CLIP1: variants seen among roughly 807,000 people sequenced by gnomAD.
The protein encoded by CLIP1 is CAP-Gly domain containing linker protein 1.
Under a neutral mutation model 161.6 loss-of-function variants are expected in CLIP1, and 66 were observed. That is an observed-to-expected ratio of 0.41 (90% confidence interval 0.33 to 0.50). The LOEUF is 0.50. CLIP1 is among the 20% of genes least tolerant of loss of function. CLIP1 has a pLI of 0.27. For synonymous variants in CLIP1, 598 were observed against 626.2 expected (o/e 0.96, Z 0.67); for missense variants, 1,376 against 1,702.0 (o/e 0.81, Z 3.37).
rs1254793669 is a variant in CLIP1 at position 122,341,250 on chromosome 12, C to G, written c.1954G>C (p.Glu652Gln). The G allele has an allele frequency of 6.2e-7, 1 of 1,614,016 alleles. No individual in the cohort carries two copies. The highest frequency in any genetic ancestry group is 1.3e-5 in the African/African-American group (1 of 74,912). ...TTTAGTTCAGCAAATTCTGCCGTCT[C>G]TGTTCCAAGCCCTTTGCTGAAAGAT... Reference protein sequence around the residue: ...KVSFSKGLGTETAEFAELKTQ... With the variant: ...KVSFSKGLGTQTAEFAELKTQ... Residue 652 changes from glutamate (E) to glutamine (Q), a missense_variant, in exon 11 of 26, where the codon GAG (glutamate) becomes CAG (glutamine). By Grantham distance (29) the Glu-to-Gln change is conservative. Around this residue, in one of 6 missense-constraint regions of CLIP1, gnomAD observed 948 missense variants for 1,134.8 expected, o/e 0.84. Transcript: ENST00000620786.
intron 1 of CLIP1, among the ~76,000 whole-genome samples, chr12:122,403,363 T>G (rs747058373): frequency 6.6e-6 from 1 of 151,896 alleles, no homozygotes; most frequent in Non-Finnish European, 1.5e-5. Context: ...CACACCCACA[T>G]GAAACTCAAA....
At chr12:122,409,656 C>A (rs774901348) in intron 1 of CLIP1, among the ~76,000 whole-genome samples, 1 of 151,218 alleles carries the variant, frequency 6.6e-6, no homozygotes, top group South Asian at 2.1e-4. Flanking sequence ...ATCAGCCTCC[C>A]GAGTAGCTGG....
At chr12:122,421,510 G>A (rs1376462669) in intron 1 of CLIP1, among the ~76,000 whole-genome samples, 3 of 152,152 alleles carry the variant, frequency 2.0e-5, no homozygotes, top group Non-Finnish European at 2.9e-5. Flanking sequence ...TGTCCTAAAA[G>A]AGGAAGAAGG....
chr12:122,288,312 T>C (rs777185501), intron 21 of CLIP1, among the ~76,000 whole-genome samples, 177 bp downstream of exon 21: 24 of 152,082 alleles, frequency 1.6e-4, no homozygotes, highest in Non-Finnish European at 2.5e-4. Context: ...GTGTGAGCTA[T>C]CACACCTAGC....
At chr12:122,288,808 CTTTTT>C (rs200069106) in intron 20 of CLIP1, among the ~76,000 whole-genome samples, 1 of 114,452 alleles carries the variant, frequency 8.7e-6, no homozygotes, top group South Asian at 2.7e-4. Context: ...CGAAGCACAT[CTTTTT>C]TTTTTTTTTT....
At chr12:122,312,761 T>A (rs1046563277) in intron 19 of CLIP1, among the ~76,000 whole-genome samples, 1 of 152,018 alleles carries the variant, frequency 6.6e-6, no homozygotes. Context: ...TGACACCCTG[T>A]CTCAAAAAAA....
At chr12:122,348,076 G>C (rs920553585) in intron 9 of CLIP1, among the ~76,000 whole-genome samples, 7 of 152,118 alleles carry the variant, frequency 4.6e-5, no homozygotes, top group Non-Finnish European at 8.8e-5. Flanking sequence ...TCCTTCTCTA[G>C]CTCCAACTAG....
intron 17 of CLIP1, among the ~76,000 whole-genome samples, chr12:122,319,841 G>A (rs951736366): frequency 6.6e-6 from 1 of 152,122 alleles, no homozygotes; most frequent in Non-Finnish European, 1.5e-5. Flanking sequence ...AATTATTTGG[G>A]CACTTCTAAC....
intron 2 of CLIP1, 48 bp from the exon 3 acceptor site, chr12:122,378,008 A>G (rs1292223705): frequency 6.7e-7 from 1 of 1,502,702 alleles, no homozygotes; most frequent in African/African-American, 1.4e-5. Flanking sequence ...TCAAGCAGAC[A>G]ACCTCTAACT....
chr12:122,340,012 T>C (rs1249909295), intron 11 of CLIP1, among the ~76,000 whole-genome samples: 1 of 152,060 alleles, frequency 6.6e-6, no homozygotes, highest in African/African-American at 2.4e-5. Context: ...CCATTGTTGA[T>C]TGAAACATCA....
chr12:122,295,821 A>T (rs182098064), intron 20 of CLIP1, among the ~76,000 whole-genome samples: 18 of 152,242 alleles, frequency 1.2e-4, no homozygotes, highest in Admixed American at 1.0e-3. Context: ...TAAAATTGTT[A>T]TATCTTTCTG....
At chr12:122,288,192 C>T (rs1955936170) in intron 21 of CLIP1, among the ~76,000 whole-genome samples, 1 of 152,144 alleles carries the variant, frequency 6.6e-6, no homozygotes, top group South Asian at 2.1e-4. Context: ...GCCACTATGC[C>T]TGGCTAATTT....
chr12:122,333,881 A>ATCAC (rs1161735387), intron 14 of CLIP1, 146 bp downstream of exon 14: 3 of 585,306 alleles, frequency 5.1e-6, no homozygotes, highest in Admixed American at 3.0e-5. Context: ...GATCTCAAAC[A>ATCAC]AGTATTTCAT....
intron 20 of CLIP1, among the ~76,000 whole-genome samples, chr12:122,293,281 T>C (rs1177627362): frequency 1.3e-5 from 2 of 152,042 alleles, no homozygotes; most frequent in Non-Finnish European, 2.9e-5. Context: ...CACACTGAGA[T>C]ACACTCCACA....
intron 15 of CLIP1, among the ~76,000 whole-genome samples, chr12:122,329,108 T>A (rs1307968318): frequency 6.6e-6 from 1 of 151,944 alleles, no homozygotes; most frequent in East Asian, 1.9e-4. Flanking sequence ...GATGAGATCA[T>A]TTAAGTTCAG....
intron 1 of CLIP1, among the ~76,000 whole-genome samples, chr12:122,387,574 A>G (rs1440748611): frequency 0.054 from 192 of 3,542 alleles, 14 homozygotes; most frequent in East Asian, 0.26. Flanking sequence ...ATATATATAT[A>G]TATATATATA....
chr12:122,330,087 A>T (rs978447021), intron 15 of CLIP1, among the ~76,000 whole-genome samples: 1 of 152,208 alleles, frequency 6.6e-6, no homozygotes, highest in African/African-American at 2.4e-5. Context: ...ATCGCACTCC[A>T]GCCTGGGCAA....
chr12:122,286,143 T>A (rs1646569527), intron 21 of CLIP1, among the ~76,000 whole-genome samples: 1 of 152,182 alleles, frequency 6.6e-6, no homozygotes, highest in South Asian at 2.1e-4. Context: ...GATAGGCTGT[T>A]GTTCTCAGCA....
At chr12:122,332,752 G>C (rs1952036969) in intron 15 of CLIP1, among the ~76,000 whole-genome samples, 1 of 152,152 alleles carries the variant, frequency 6.6e-6, no homozygotes, top group African/African-American at 2.4e-5. Context: ...TCACCAAAAG[G>C]TCTATAAATA....
Sources: gnomAD v4.1 joint callset for allele counts (sites outside exome capture counted in the v4.1 genomes callset) on GRCh38, gnomAD v4.1.1 for gene constraint, gnomAD v4.1.1 regional missense constraint, MANE v1.5 for transcripts, NCBI Gene and HGNC (gene_info 2026-07-23, HGNC 2026-07-21) for gene names.